Variants in NPHP3 observed in about 807,000 individuals in gnomAD.
NPHP3 encodes the protein nephrocystin 3.
Under a neutral mutation model 171.9 loss-of-function variants are expected in NPHP3, and 123 were observed. The observed-to-expected ratio is 0.72, with a 90% CI of 0.62 to 0.83. The LOEUF is 0.83. Ranked by LOEUF, NPHP3 falls within the 40% of genes least tolerant of loss-of-function variation. NPHP3 has a pLI of 0.00. For synonymous variants in NPHP3, 558 were observed against 579.2 expected, an observed-to-expected ratio of 0.96 and a Z score of 0.52; for missense variants, 1,506 against 1,591.9, an observed-to-expected ratio of 0.95 and a Z score of 0.92.
At chr3:132,694,355 ATGTGTGTGTGTGTG>A (rs141353877) in intron 16 of NPHP3, among the ~76,000 whole-genome samples, 1 of 143,926 alleles carries the variant, frequency 6.9e-6, no homozygotes, top group Non-Finnish European at 1.5e-5. Context: ...GAAGGAAATT[ATGTGTGTGTGTGTG>A]TGTGTGTGTT....
chr3:132,689,383 T>C (rs1939244144), intron 19 of NPHP3, 120 bp from the exon 20 acceptor site: 1 of 1,042,228 alleles, frequency 9.6e-7, no homozygotes, highest in Non-Finnish European at 1.5e-6. Context: ...TACTGTGTAA[T>C]GAGGTAAGAC....
chr3:132,712,491 G>A (rs1270493920), intron 6 of NPHP3: 1 of 456,598 alleles, frequency 2.2e-6, no homozygotes, highest in Non-Finnish European at 4.4e-6. Flanking sequence ...AATGGGCCAG[G>A]TGTGTTGGCC....
Position 132,696,730 on chromosome 3 carries a change from C to A in NPHP3, c.2171+1G>T. ...GATCATGTAAAATAATCACCACTCA[C>A]CGCGCGATCATTTTGCCGAAAAGGG... On this transcript the variant is annotated splice_donor_variant, in intron 15 of 26. Transcript: ENST00000337331. LOFTEE classifies it high-confidence loss of function. 6.2e-7 allele frequency: 1 copy of A among 1,613,628 alleles called. No individual in the cohort carries two copies.
intron 6 of NPHP3, among the ~76,000 whole-genome samples, chr3:132,711,399 C>A (rs886135768): frequency 1.3e-5 from 2 of 151,272 alleles, no homozygotes; most frequent in Non-Finnish European, 2.9e-5. Flanking sequence ...TAAAAATGTA[C>A]AATATAAAAT....
chr3:132,721,200 G>A (rs754563614), intron 1 of NPHP3, among the ~76,000 whole-genome samples: 1 of 152,192 alleles, frequency 6.6e-6, no homozygotes, highest in African/African-American at 2.4e-5. Context: ...TTACAGGCGT[G>A]AGCCACCACG....
At chr3:132,721,525 C>CA (rs1940217344) in intron 1 of NPHP3, 1 of 301,526 alleles carries the variant, frequency 3.3e-6, no homozygotes, top group African/African-American at 2.2e-5. Context: ...CAACAGATGT[C>CA]ACCAGCCTTC....
rs1332522940 is a variant in NPHP3, at chr3:132,715,125, T to A, written c.917A>T (p.Tyr306Phe). 6.2e-7 allele frequency: 1 copy of A among 1,612,364 alleles called. No homozygotes were observed. The highest frequency in any genetic ancestry group is 8.5e-7 in the Non-Finnish European group (1 of 1,178,654). Residue 306 changes from tyrosine (Y) to phenylalanine (F), a missense_variant, in exon 5 of 27, where the codon TAT becomes TTT. Tyr to Phe is a conservative substitution (Grantham distance 22). Coordinates refer to ENST00000337331, the MANE Select transcript of NPHP3 (RefSeq NM_153240.5). ...CATCTCAGGCTGGGTTTCATCTGTA[T>A]AAATGAGGTAACATCTGACAGTGTT... ...WSNTVRCYLI[Y>F]TDETQPEMDL...
intron 9 of NPHP3, among the ~76,000 whole-genome samples, chr3:132,702,301 A>G (rs569725166): frequency 6.6e-6 from 1 of 152,162 alleles, no homozygotes; most frequent in African/African-American, 2.4e-5. Context: ...GGGGTGAGAA[A>G]AGGTCCAAAT....
intron 16 of NPHP3, chr3:132,693,233 A>G (rs1939344663): frequency 9.9e-6 from 2 of 202,374 alleles, no homozygotes; most frequent in Non-Finnish European, 2.0e-5. Flanking sequence ...ACTGCCAAAA[A>G]TGAATAGGAA....
chr3:132,708,251 T>A lies in NPHP3; in HGVS notation c.1125A>T (p.Leu375Phe). ...LFIHLTLPSL[L>F]LEDCEEAFLK... Reference sequence around the variant, plus strand: ...GAAAAGCTTCTTCACAGTCTTCCAATAAAAGGCTAGATTGGAAATCAGCAT... The same window carrying A: ...GAAAAGCTTCTTCACAGTCTTCCAAAAAAAGGCTAGATTGGAAATCAGCAT... Residue 375 changes from leucine (L) to phenylalanine (F), a missense_variant, in exon 7 of 27, where the codon TTA becomes TTT. This residue lies in a region of NPHP3 where 930 missense variants were observed against 924.9 expected (regional missense o/e 1.01). Coordinates refer to ENST00000337331, the MANE Select transcript of NPHP3 (RefSeq NM_153240.5). 2.5e-6 allele frequency: 4 copies of A among 1,613,978 alleles called. No homozygotes were observed. The highest frequency in any genetic ancestry group is 3.4e-6 in the Non-Finnish European group (4 of 1,179,982).
chr3:132,701,793 C>T (rs545956887), intron 9 of NPHP3, among the ~76,000 whole-genome samples: 4 of 152,132 alleles, frequency 2.6e-5, no homozygotes, highest in Non-Finnish European at 5.9e-5. Context: ...GAGGCTGAGG[C>T]GGGTGGATCA....
intron 24 of NPHP3, 38 bp downstream of exon 24, chr3:132,684,516 A>G (rs754963850): frequency 6.2e-7 from 1 of 1,610,826 alleles, no homozygotes; most frequent in Non-Finnish European, 8.5e-7. Context: ...CTTAACTGAT[A>G]TGTTATAAAA....
chr3:132,697,226 A>C, intron 14 of NPHP3, 34 bp downstream of exon 14: 1 of 1,298,578 alleles, frequency 7.7e-7, no homozygotes, highest in Non-Finnish European at 1.1e-6. Flanking sequence ...AAGATGAGAG[A>C]GTAAAAGATT....
chr3:132,696,660 T>C, intron 15 of NPHP3, 71 bp downstream of exon 15: 1 of 1,342,204 alleles, frequency 7.5e-7, no homozygotes, highest in Non-Finnish European at 1.1e-6. Flanking sequence ...GTTCTCAGTT[T>C]TGCAGGGTGA....
chr3:132,707,289 C>T (rs1382425937), intron 7 of NPHP3, among the ~76,000 whole-genome samples: 2 of 151,682 alleles, frequency 1.3e-5, no homozygotes, highest in Non-Finnish European at 1.5e-5. Context: ...ATAATAAGTC[C>T]CCATCTCTAT....
At position 132,722,028 on chromosome 3, in the gene NPHP3, A is replaced by C. The variant is rs369995775; in HGVS notation, c.328T>G (p.Leu110Val). 4 of 1,613,236 alleles carry C rather than the reference A, an allele frequency of 2.5e-6. No individual in the cohort carries two copies. The highest frequency in any genetic ancestry group is 1.3e-5 in the African/African-American group (1 of 75,042). ...TTGGCCTCGCGGCGGCCCATGGACA[A>C]CAACTCCTGGTTCTTGCTGACGCGA... ...IFRVSKNQELLSMGRREAKLD... is the reference protein window; with the variant it reads ...IFRVSKNQELVSMGRREAKLD... The change falls in exon 1 of 27, where the codon TTG becomes GTG. Residue 110 changes from leucine to valine, a missense_variant. Transcript: ENST00000337331.
rs540287231 is a variant in NPHP3 at position 132,683,446 on chromosome 3, T to G, written c.3649A>C (p.Ser1217Arg). ...AAGTTCACCAAGGCAGTAGCTACAC[T>G]AGGGTGCTTTGGGCCAAAAGATTTC... is the stretch of plus-strand genomic sequence containing the variant. ...RQKSFGPKHP[S>R]VATALVNLAV... is the part of the protein sequence containing the mutation. The change falls in exon 25 of 27, where the codon AGT (serine) becomes CGT (arginine). Residue 1217 changes from serine to arginine, a missense_variant. Coordinates refer to ENST00000337331, the MANE Select transcript of NPHP3 (RefSeq NM_153240.5). 93 of 1,612,884 alleles carry G rather than the reference T, an allele frequency of 5.8e-5. No homozygotes were observed. The highest frequency in any genetic ancestry group is 7.5e-5 in the Non-Finnish European group (88 of 1,179,154).
chr3:132,721,639 G>T, intron 1 of NPHP3: 1 of 481,074 alleles, frequency 2.1e-6, no homozygotes, highest in Non-Finnish European at 3.9e-6. Flanking sequence ...GAATAAACCA[G>T]AAATAGAAAA....
chr3:132,701,574 C>T (rs747587309), intron 9 of NPHP3, 41 bp from the exon 10 acceptor site: 5 of 1,223,188 alleles, frequency 4.1e-6, no homozygotes, highest in African/African-American at 3.0e-5. Context: ...GAAGCACATG[C>T]CTCTGAGACT....
Sources: gnomAD v4.1 joint callset for allele counts (sites outside exome capture counted in the v4.1 genomes callset) on GRCh38, gnomAD v4.1.1 for gene constraint, gnomAD v4.1.1 regional missense constraint, MANE v1.5 for transcripts, NCBI Gene and HGNC (gene_info 2026-07-23, HGNC 2026-07-21) for gene names.